Variants in SH3GL2 observed in about 807,000 individuals in gnomAD.
SH3GL2 encodes the protein SH3 domain containing GRB2 like 2, endophilin A1, also known as endophilin-A1.
In SH3GL2, 24 loss-of-function variants were observed where a neutral mutation model predicts 46.0. That is an observed-to-expected ratio of 0.52 (90% confidence interval 0.38 to 0.73). SH3GL2 has a LOEUF of 0.73. Among genes scored for constraint, SH3GL2 ranks in the 30% least tolerant of loss-of-function variants. SH3GL2 has a pLI of 0.00. For synonymous variants in SH3GL2, 196 were observed against 147.1 expected, an observed-to-expected ratio of 1.33 and a Z score of -2.40; for missense variants, 413 against 424.2, an observed-to-expected ratio of 0.97 and a Z score of 0.23.
At chr9:17,748,291 A>G (rs2131132681) in intron 2 of SH3GL2, among the ~76,000 whole-genome samples, 1 of 152,332 alleles carries the variant, frequency 6.6e-6, no homozygotes, top group African/African-American at 2.4e-5. Context: ...ATCTGAGAGT[A>G]GCAATCCTGT....
intron 1 of SH3GL2, among the ~76,000 whole-genome samples, chr9:17,642,881 G>C (rs939125696): frequency 3.9e-5 from 6 of 152,242 alleles, no homozygotes; most frequent in Non-Finnish European, 7.4e-5. Flanking sequence ...CTAATTCTGT[G>C]AATTTTCTAA....
At chr9:17,626,996 G>T (rs866482759) in intron 1 of SH3GL2, among the ~76,000 whole-genome samples, 2 of 152,226 alleles carry the variant, frequency 1.3e-5, no homozygotes, top group African/African-American at 2.4e-5. Context: ...TCCACTTTCT[G>T]TCAGGCCCTG....
At chr9:17,662,527 C>T (rs545919354) in intron 1 of SH3GL2, among the ~76,000 whole-genome samples, 1 of 152,162 alleles carries the variant, frequency 6.6e-6, no homozygotes, top group Non-Finnish European at 1.5e-5. Flanking sequence ...GCTCCAGTGC[C>T]TTCTGTATAC....
At chr9:17,707,058 A>C (rs1002899660) in intron 1 of SH3GL2, among the ~76,000 whole-genome samples, 1 of 151,992 alleles carries the variant, frequency 6.6e-6, no homozygotes, top group African/African-American at 2.4e-5. Context: ...TGCTTAACCC[A>C]TGCTGAAGAC....
intron 1 of SH3GL2, among the ~76,000 whole-genome samples, chr9:17,662,832 C>G (rs897015997): frequency 6.6e-6 from 1 of 151,902 alleles, no homozygotes; most frequent in Non-Finnish European, 1.5e-5. Context: ...GCCTCAGCCT[C>G]CCAAGTAGCT....
chr9:17,709,709 A>G (rs1821569079), intron 1 of SH3GL2, among the ~76,000 whole-genome samples: 1 of 151,424 alleles, frequency 6.6e-6, no homozygotes, highest in Admixed American at 6.6e-5. Context: ...ACACACACAC[A>G]CACACGTTTA....
intron 1 of SH3GL2, among the ~76,000 whole-genome samples, chr9:17,656,325 A>G (rs7847174): frequency 0.55 from 83,306 of 151,734 alleles, 24,109 homozygotes; most frequent in African/African-American, 0.72. Context: ...AAGATTAACC[A>G]ACTAATGTAT....
At chr9:17,616,916 C>G (rs113782952) in intron 1 of SH3GL2, among the ~76,000 whole-genome samples, 1 of 152,160 alleles carries the variant, frequency 6.6e-6, no homozygotes, top group Non-Finnish European at 1.5e-5. Context: ...GAATTCTACT[C>G]CTTCCCCTAG....
chr9:17,700,154 G>T (rs558637781), intron 1 of SH3GL2, among the ~76,000 whole-genome samples: 1 of 152,256 alleles, frequency 6.6e-6, no homozygotes, highest in African/African-American at 2.4e-5. Context: ...TGGTATTCAG[G>T]ATCCATCTGC....
chr9:17,640,077 A>C (rs114155530), intron 1 of SH3GL2, among the ~76,000 whole-genome samples: 2,683 of 152,258 alleles, frequency 0.018, 68 homozygotes, highest in African/African-American at 0.061. Flanking sequence ...GGTTGTGTGC[A>C]ATTATGAACA....
In SH3GL2 at chr9:17,751,359, G is replaced by A. The variant is rs76867417; in HGVS notation, c.114+4225G>A. Reference sequence around the variant, plus strand: ...GAGAGGGGTTCAATTTTTCTATCCAGCCCAAGTGGTAGAGCTAGAATTAAT... The same window carrying A: ...GAGAGGGGTTCAATTTTTCTATCCAACCCAAGTGGTAGAGCTAGAATTAAT... On this transcript the variant is annotated intron_variant, in intron 2 of 8. Coordinates refer to ENST00000380607, the MANE Select transcript of SH3GL2 (RefSeq NM_003026.5). Among the ~76,000 whole-genome samples the A allele has an allele frequency of 6.3e-3, 960 of 152,244 alleles. 14 individuals are homozygous for A. The highest frequency in any genetic ancestry group is 0.022 in the African/African-American group (909 of 41,522).
chr9:17,618,232 G>T (rs1819051453), intron 1 of SH3GL2, among the ~76,000 whole-genome samples: 1 of 152,136 alleles, frequency 6.6e-6, no homozygotes, highest in African/African-American at 2.4e-5. Flanking sequence ...AGAGCTCAAG[G>T]ATGCTGCTAA....
chr9:17,639,004 A>C (rs898089062), intron 1 of SH3GL2, among the ~76,000 whole-genome samples: 3 of 152,234 alleles, frequency 2.0e-5, no homozygotes, highest in Admixed American at 6.5e-5. Flanking sequence ...AATTCTGATT[A>C]AGAAACGATT....
intron 1 of SH3GL2, among the ~76,000 whole-genome samples, chr9:17,587,781 AGCTTGAACCTGGGAGAGTT>A (rs1352489939): frequency 6.6e-6 from 1 of 152,016 alleles, no homozygotes; most frequent in African/African-American, 2.4e-5. Flanking sequence ...GGGAGGCTGA[AGCTTGAACCTGGGAGAGTT>A]GCTTGAACCT....
chr9:17,765,799 C>T (rs6475171), intron 3 of SH3GL2, among the ~76,000 whole-genome samples: 122,595 of 151,678 alleles, frequency 0.81, 49,870 homozygotes, highest in East Asian at 0.96. Flanking sequence ...GTTTTTCATC[C>T]GCCATGAGTT....
At chr9:17,770,516 G>C (rs1437703261) in intron 3 of SH3GL2, among the ~76,000 whole-genome samples, 2 of 152,180 alleles carry the variant, frequency 1.3e-5, no homozygotes, top group African/African-American at 4.8e-5. Flanking sequence ...GTTGGGTGTA[G>C]ATGGAACCTG....
At chr9:17,643,389 C>G (rs12003925) in intron 1 of SH3GL2, among the ~76,000 whole-genome samples, 2,884 of 152,168 alleles carry the variant, frequency 0.019, 86 homozygotes, top group African/African-American at 0.066. Context: ...TTTCTCTTGC[C>G]TTATTGCCCT....
intron 1 of SH3GL2, among the ~76,000 whole-genome samples, chr9:17,680,012 G>T (rs1287106027): frequency 1.3e-5 from 2 of 152,144 alleles, no homozygotes; most frequent in East Asian, 3.9e-4. Context: ...TTTTTGATGT[G>T]CTGCTGGATT....
intron 1 of SH3GL2, among the ~76,000 whole-genome samples, chr9:17,683,057 A>G (rs114580680): frequency 6.6e-6 from 1 of 152,260 alleles, no homozygotes; most frequent in East Asian, 1.9e-4. Context: ...CTAGCCTGAA[A>G]TCTAAGGAAA....
Sources: gnomAD v4.1 joint callset for allele counts (sites outside exome capture counted in the v4.1 genomes callset) on GRCh38, gnomAD v4.1.1 for gene constraint, MANE v1.5 for transcripts, NCBI Gene and HGNC (gene_info 2026-07-23, HGNC 2026-07-21) for gene names.